Variants in ADNP observed in about 807,000 individuals in gnomAD.
ADNP encodes activity dependent neuroprotector homeobox, also known as activity-dependent neuroprotector homeobox protein.
In ADNP, 4 loss-of-function variants were observed where a neutral mutation model predicts 84.9. The ratio of observed to expected loss-of-function variants is 0.05; its 90% CI spans 0.02 to 0.11. ADNP has a LOEUF of 0.11. ADNP is among the 10% of genes least tolerant of loss of function. The pLI, the probability that ADNP is intolerant of heterozygous loss-of-function variation, is 1.00. For missense variants in ADNP, 1,132 were observed against 1,326.0 expected (o/e 0.85, Z 2.27); for synonymous variants, 554 against 468.1 (o/e 1.18, Z -2.37).
At chr20:50,920,089 G>A (rs1280777664) in intron 2 of ADNP, among the ~76,000 whole-genome samples, 4 of 150,160 alleles carry the variant, frequency 2.7e-5, no homozygotes, top group Non-Finnish European at 4.4e-5. Flanking sequence ...CCAGCCTGGC[G>A]AATATGGTGA....
intron 1 of ADNP, among the ~76,000 whole-genome samples, chr20:50,930,284 G>C (rs1449965730): frequency 6.6e-6 from 1 of 152,116 alleles, no homozygotes; most frequent in Non-Finnish European, 1.5e-5. Context: ...AGGAAAGCTG[G>C]CAGGTTGGGG....
chr20:50,905,146 A>C (rs112982535), intron 2 of ADNP: 57 of 152,368 alleles, frequency 3.7e-4, no homozygotes, highest in African/African-American at 1.2e-3. Flanking sequence ...TCCTTAAAAC[A>C]GAAGTTTGTC....
rs958075759 is a variant in ADNP, at chr20:50,889,819, A to G, written c.*1586T>C. The G allele has an allele frequency of 2.5e-6, 1 of 398,420 alleles. No individual in the cohort carries two copies. The highest frequency in any genetic ancestry group is 4.4e-5 in the Admixed American group (1 of 22,712). The allele number at this position is 398,420 out of a possible 1,614,324, so 24.7% of individuals were successfully genotyped here. A position where few individuals can be genotyped will look rare whatever the true frequency, so the allele number is the denominator to read the frequency against. Reference sequence around the variant, plus strand: ...CATGGTAAAAATACCAGCTCCTTCCATCTTTACAGCCCTGTCAGTGCTGTG... The same window carrying G: ...CATGGTAAAAATACCAGCTCCTTCCGTCTTTACAGCCCTGTCAGTGCTGTG... On this transcript the variant is annotated 3_prime_UTR_variant, in exon 6 of 6. Coordinates refer to ENST00000621696, the MANE Select transcript of ADNP (RefSeq NM_001282531.3).
At chr20:50,901,618 C>G (rs1981993457) in intron 5 of ADNP, among the ~76,000 whole-genome samples, 1 of 152,140 alleles carries the variant, frequency 6.6e-6, no homozygotes, top group South Asian at 2.1e-4. Context: ...CCAGGCCTCC[C>G]ATAGAAGTTG....
In ADNP at chr20:50,892,002, A is replaced by G; in HGVS notation, c.2712T>C (p.Ser904=). Reference sequence around the variant, plus strand: ...GTACATGTTCCTCTGGGTTATCGTTAGAGATTTTAGGTTCAACTTCAAAAA... The same window carrying G: ...GTACATGTTCCTCTGGGTTATCGTTGGAGATTTTAGGTTCAACTTCAAAAA... ...DPVFEVEPKI[S]NDNPEEHVLK... Residue 904 remains serine, a synonymous_variant, in exon 6 of 6, where the codon TCT becomes TCC. Coordinates refer to ENST00000621696, the MANE Select transcript of ADNP (RefSeq NM_001282531.3). 2 of 1,614,156 alleles carry G rather than the reference A, an allele frequency of 1.2e-6. No homozygotes were observed. Among genetic ancestry groups the G allele is most frequent in the Non-Finnish European group, 1.7e-6 (2 of 1,180,010 alleles).
intron 5 of ADNP, among the ~76,000 whole-genome samples, chr20:50,899,994 A>G (rs981916936): frequency 6.6e-6 from 1 of 151,502 alleles, no homozygotes; most frequent in African/African-American, 2.4e-5. Context: ...AAGTGTTATT[A>G]CAAAAGATTC....
At chr20:50,901,321 T>TTAA (rs1491431850) in intron 5 of ADNP, among the ~76,000 whole-genome samples, 2 of 92,758 alleles carry the variant, frequency 2.2e-5, no homozygotes, top group Non-Finnish European at 4.1e-5. Flanking sequence ...CTGGGGTATT[T>TTAA]AAAAAAAAAA....
intron 2 of ADNP, among the ~76,000 whole-genome samples, chr20:50,918,845 A>T (rs1198682804): frequency 1.3e-5 from 2 of 152,234 alleles, no homozygotes; most frequent in Non-Finnish European, 2.9e-5. Context: ...TAATTTTAGC[A>T]CTTTAAGGAA....
At chr20:50,930,670 G>T (rs1341337463) in intron 1 of ADNP, among the ~76,000 whole-genome samples, 156 bp downstream of exon 1, 1 of 152,026 alleles carries the variant, frequency 6.6e-6, no homozygotes, top group Non-Finnish European at 1.5e-5. Flanking sequence ...TCGGCGCCGG[G>T]GTGTGCAAAG....
chr20:50,927,640 C>T (rs1412268956), intron 2 of ADNP, among the ~76,000 whole-genome samples: 1 of 151,878 alleles, frequency 6.6e-6, no homozygotes, highest in Non-Finnish European at 1.5e-5. Context: ...AAGTGATTCT[C>T]CTGCCTCAGC....
intron 5 of ADNP, among the ~76,000 whole-genome samples, chr20:50,898,976 G>A (rs1328690455): frequency 2.0e-5 from 3 of 152,014 alleles, no homozygotes; most frequent in African/African-American, 7.3e-5. Flanking sequence ...ATTATAACGG[G>A]GCTGAAAAAT....
chr20:50,893,909 T>C lies in ADNP; in HGVS notation c.805A>G (p.Met269Val). The C allele has an allele frequency of 6.2e-7, 1 of 1,614,164 alleles. No individual in the cohort carries two copies. The stretch of plus-strand genomic sequence containing the variant: ...TCTTGAGGTTTGGGAGCAATTAGCA[T>C]CAAGGGTTTGGATCGGGGAACCACT... ...NVVVPRSKPL[M>V]LIAPKPQDKK... Residue 269 changes from methionine to valine, a missense_variant, in exon 6 of 6, where the codon ATG becomes GTG. Coordinates refer to ENST00000621696, the MANE Select transcript of ADNP (RefSeq NM_001282531.3). The surrounding 1 kb of genome is among the most constrained non-coding windows in gnomAD (Gnocchi z 4.4).
Position 50,911,837 on chromosome 20 carries a change from G to A in ADNP, c.-89-6988C>T, listed in dbSNP as rs113997844. ...GCTACCTCTGAACAGGCACAGATAA[G>A]CCAGAAGAAAAAGCTAGCCTCTAAG... On this transcript the variant is annotated intron_variant, in intron 2 of 5. Transcript: ENST00000621696. Among the ~76,000 whole-genome samples the A allele has an allele frequency of 6.7e-3, 1,015 of 152,072 alleles. 6 individuals carry two copies. Among genetic ancestry groups the A allele is most frequent in the African/African-American group, 0.019 (789 of 41,474 alleles).
Position 50,892,717 on chromosome 20 carries a change from T to C in ADNP, c.1997A>G (p.His666Arg). 1.2e-6 allele frequency: 2 copies of C among 1,614,190 alleles called. No homozygotes were observed. The highest frequency in any genetic ancestry group is 1.7e-6 in the Non-Finnish European group (2 of 1,180,042). ...VEKKLTYKCIHCLGVYTSNMT... is the reference protein window; with the variant it reads ...VEKKLTYKCIRCLGVYTSNMT... ...GTTGCTGGTATACACACCAAGGCAA[T>C]GGATACATTTGTAGGTGAGCTTTTT... is the stretch of plus-strand genomic sequence containing the variant. The change falls in exon 6 of 6, where the codon CAT becomes CGT. Residue 666 changes from histidine (H) to arginine (R), a missense_variant. Transcript: ENST00000621696.
chr20:50,902,193 A>G, intron 4 of ADNP, 84 bp from the exon 5 acceptor site: 2 of 1,013,168 alleles, frequency 2.0e-6, no homozygotes, highest in Non-Finnish European at 1.5e-6. Context: ...CCTCTTAACT[A>G]AGATGGGGAG....
chr20:50,925,844 T>C (rs1333744922), intron 2 of ADNP, among the ~76,000 whole-genome samples: 1 of 152,226 alleles, frequency 6.6e-6, no homozygotes, highest in Admixed American at 6.5e-5. Flanking sequence ...CTCACGCCTA[T>C]AATCCCAGCA....
chr20:50,919,287 A>ACATATATATATATATATATATATATATAT (rs776823194), intron 2 of ADNP, among the ~76,000 whole-genome samples: 5 of 128,060 alleles, frequency 3.9e-5, no homozygotes, highest in Admixed American at 7.8e-5. Flanking sequence ...ACATATATTT[A>ACATATATATATATATATATATATATATAT]AGTGTATATA....
Position 50,903,988 on chromosome 20 carries a change from T to C in ADNP, c.9A>G (p.Gln3=). The part of the protein sequence containing the change: MF[Q]LPVNNLGSLR... ...AACTGCCAAGATTGTTGACAGGAAGTTGGAACATAGTTTCTATTGGAAAAA... is the reference window on the plus strand; with the variant it reads ...AACTGCCAAGATTGTTGACAGGAAGCTGGAACATAGTTTCTATTGGAAAAA... The change falls in exon 4 of 6, where the codon CAA becomes CAG. Residue 3 remains glutamine (Q), a synonymous_variant. Transcript: ENST00000621696. 1 of 1,613,068 alleles carries C rather than the reference T, an allele frequency of 6.2e-7. No individual in the cohort carries two copies. Among genetic ancestry groups the C allele is most frequent in the Non-Finnish European group, 8.5e-7 (1 of 1,179,804 alleles).
rs1353151472 is a variant in ADNP, at chr20:50,889,018, T to C, written c.*2387A>G. The C allele has an allele frequency of 6.6e-6, 1 of 152,234 alleles. No homozygotes were observed. The highest frequency in any genetic ancestry group is 2.4e-5 in the African/African-American group (1 of 41,470). 9.4% of individuals were successfully genotyped at this position (152,234 alleles called of 1,614,324 possible). Reference sequence around the variant, plus strand: ...GTTGCCATAGCCAACGATCTCCAGATTATTTGAAAAGCAAACAGTAGCAAC... The same window carrying C: ...GTTGCCATAGCCAACGATCTCCAGACTATTTGAAAAGCAAACAGTAGCAAC... On this transcript the variant is annotated 3_prime_UTR_variant, in exon 6 of 6. Coordinates refer to ENST00000621696, the MANE Select transcript of ADNP (RefSeq NM_001282531.3).
Sources: gnomAD v4.1 joint callset for allele counts (sites outside exome capture counted in the v4.1 genomes callset) on GRCh38, gnomAD v4.1.1 for gene constraint, Gnocchi (gnomAD v3.1) non-coding constraint, MANE v1.5 for transcripts, NCBI Gene and HGNC (gene_info 2026-07-23, HGNC 2026-07-21) for gene names.